The following PEX1 variants were observed in gnomAD, a reference collection of about 807,000 sequenced individuals.
PEX1 encodes the protein peroxisomal ATPase PEX1.
A neutral mutation model predicts 152.5 loss-of-function variants in PEX1; 97 were observed. That is an observed-to-expected ratio of 0.64 (90% CI 0.54 to 0.75). The LOEUF is 0.75. Ranked by LOEUF, PEX1 falls within the 30% of genes least tolerant of loss-of-function variation. PEX1 has a pLI of 0.00. For synonymous variants in PEX1, 485 were observed against 531.6 expected (o/e 0.91, Z 1.21); for missense variants, 1,357 against 1,516.3 (o/e 0.89, Z 1.74).
intron 16 of PEX1, among the ~76,000 whole-genome samples, chr7:92,498,609 A>G (rs1318852154): frequency 6.6e-6 from 1 of 152,246 alleles, no homozygotes; most frequent in Non-Finnish European, 1.5e-5. Context: ...CCTTTGTTAA[A>G]CTAATATTGC....
At chr7:92,518,564 T>TATCAATTCA (rs1270815636) in intron 3 of PEX1, among the ~76,000 whole-genome samples, 1 of 152,192 alleles carries the variant, frequency 6.6e-6, no homozygotes, top group East Asian at 1.9e-4. Context: ...ATTAGATCTC[T>TATCAATTCA]ATCAATTCAT....
chr7:92,506,998 C>T lies in PEX1; in HGVS notation c.1799G>A (p.Gly600Glu). 1 of 1,614,046 alleles carries T rather than the reference C, an allele frequency of 6.2e-7. No individual in the cohort carries two copies. Among genetic ancestry groups the T allele is most frequent in the Non-Finnish European group, 8.5e-7 (1 of 1,179,950 alleles). Residue 600 changes from glycine to glutamate, a missense_variant, in exon 10 of 24, where the codon GGA (glycine) becomes GAA (glutamate). Transcript: ENST00000248633. Reference protein sequence around the residue: ...LRNGALLLTGGKGSGKSTLAK... With the variant: ...LRNGALLLTGEKGSGKSTLAK... ...GAACACACCTTAACCACTTACCTTT[C>T]CTCCTGTGAGTAAAAGAGCTCCATT...
chr7:92,497,151 T>C (rs1012020094), intron 16 of PEX1, among the ~76,000 whole-genome samples: 9 of 152,188 alleles, frequency 5.9e-5, no homozygotes, highest in African/African-American at 2.2e-4. Flanking sequence ...GACAGTGAAT[T>C]ATATACTGAA....
rs1029003656 is a variant in PEX1 at position 92,487,281 on chromosome 7, G to A, written c.*176C>T. ...TTATAATGTCCCAATTTATACTACAGTATTAATCTCAATCCTGATCATTAC... is the reference window on the plus strand; with the variant it reads ...TTATAATGTCCCAATTTATACTACAATATTAATCTCAATCCTGATCATTAC... On this transcript the variant is annotated 3_prime_UTR_variant, in exon 24 of 24. Transcript: ENST00000248633. 6 of 480,054 alleles carry A rather than the reference G, an allele frequency of 1.2e-5. No individual in the cohort carries two copies. Among genetic ancestry groups the A allele is most frequent in the Non-Finnish European group, 2.2e-5 (6 of 271,196 alleles). The allele number at this position is 480,054 out of a possible 1,614,324, so 29.7% of individuals were successfully genotyped here.
chr7:92,503,108 G>T lies in PEX1; in HGVS notation c.2159C>A (p.Pro720His), dbSNP rs1341077403. 7 of 1,613,698 alleles carry T rather than the reference G, an allele frequency of 4.3e-6. No individual in the cohort carries two copies. Among genetic ancestry groups the T allele is most frequent in the Non-Finnish European group, 5.1e-6 (6 of 1,179,702 alleles). The change falls in exon 13 of 24, where the codon CCT becomes CAT. Residue 720 changes from proline (P) to histidine (H), a missense_variant. Pro to His is a moderately conservative substitution (Grantham distance 77, BLOSUM62 -2). Transcript: ENST00000248633. ...ATSQSQQSLH[P>H]LLVSAQGVHI... is the part of the protein sequence containing the mutation. ...AACTCCTTGAGCAGAAACAAGTAAA[G>T]GATGTAGAGATTGCTGAGACTGACT...
At position 92,491,628 on chromosome 7, in the gene PEX1, C is replaced by T. The variant is rs1791329800; in HGVS notation, c.3208-126G>A. 3 of 658,088 alleles carry T rather than the reference C, an allele frequency of 4.6e-6. No individual in the cohort carries two copies. In the South Asian group the frequency reaches 5.3e-5, roughly 12 times the overall value. The allele number at this position is 658,088 out of a possible 1,614,324, so 40.8% of individuals were successfully genotyped here. A position where few individuals can be genotyped will look rare whatever the true frequency, so the allele number is the denominator to read the frequency against. ...ACTTAGAAGCATTTTTCAAAGAGCTCATTAATTCTCTAACGGTTTTGAGGC... is the reference window on the plus strand; with the variant it reads ...ACTTAGAAGCATTTTTCAAAGAGCTTATTAATTCTCTAACGGTTTTGAGGC... On this transcript the variant is annotated intron_variant, in intron 20 of 23. Coordinates refer to ENST00000248633, the MANE Select transcript of PEX1 (RefSeq NM_000466.3).
rs1178108852 is a variant in PEX1 at position 92,518,143 on chromosome 7, A to G, written c.470T>C (p.Ile157Thr). The change falls in exon 4 of 24, where the codon ATT (isoleucine) becomes ACT (threonine). Residue 157 changes from isoleucine to threonine, a missense_variant and splice_region_variant. Transcript: ENST00000248633. ...GCAAATATTACAATAGCACCTACCA[A>G]TTTGGATAAATATGTACGTTTGTTG... ...VDQQTYIFIQ[I>T]VALIPAASYG... is the part of the protein sequence containing the mutation. The G allele has an allele frequency of 6.2e-7, 1 of 1,610,452 alleles. No individual in the cohort carries two copies. The highest frequency in any genetic ancestry group is 8.5e-7 in the Non-Finnish European group (1 of 1,176,694).
intron 6 of PEX1, among the ~76,000 whole-genome samples, chr7:92,512,750 G>A (rs1297154523): frequency 1.3e-5 from 2 of 151,986 alleles, no homozygotes; most frequent in Non-Finnish European, 1.5e-5. Flanking sequence ...TCAGCCTCCC[G>A]AAGTGTTGGG....
intron 12 of PEX1, 84 bp downstream of exon 12, chr7:92,504,648 C>G: frequency 2.3e-6 from 3 of 1,314,576 alleles, no homozygotes; most frequent in Non-Finnish European, 3.2e-6. Context: ...ATATTATTCT[C>G]TGAAGAGAGT....
intron 10 of PEX1, 125 bp from the exon 11 acceptor site, chr7:92,506,469 G>T (rs777741236): frequency 7.0e-6 from 5 of 709,932 alleles, no homozygotes; most frequent in Non-Finnish European, 1.3e-5. Context: ...AACAAAAGAA[G>T]AGGAGAGAAT....
intron 13 of PEX1, among the ~76,000 whole-genome samples, chr7:92,502,535 A>G (rs936086159): frequency 3.3e-5 from 5 of 152,166 alleles, no homozygotes; most frequent in Non-Finnish European, 7.4e-5. Context: ...ATACCATTCT[A>G]TTATCCTTAA....
At chr7:92,488,124 A>G (rs866815824) in intron 23 of PEX1, among the ~76,000 whole-genome samples, 1 of 152,232 alleles carries the variant, frequency 6.6e-6, no homozygotes, top group African/African-American at 2.4e-5. Context: ...TTTAAAAACA[A>G]TAAAGTAGTT....
intron 17 of PEX1, among the ~76,000 whole-genome samples, chr7:92,496,142 G>A (rs1288356030): frequency 1.3e-5 from 2 of 151,880 alleles, no homozygotes; most frequent in Non-Finnish European, 2.9e-5. Flanking sequence ...TGTATTTTAT[G>A]TATATTCTCT....
In PEX1 at chr7:92,501,908, T is replaced by A; in HGVS notation, c.2398A>T (p.Ser800Cys). 6.2e-7 allele frequency: 1 copy of A among 1,613,814 alleles called. No individual in the cohort carries two copies. Among genetic ancestry groups the A allele is most frequent in the Non-Finnish European group, 8.5e-7 (1 of 1,179,710 alleles). ...AACATACTTTCTCTGGTGGATATAC[T>A]CTGACGAGAGAGTCGAGAATGTATG... ...RAIHSRLSRQ[S>C]ISTREKLVLT... is the part of the protein sequence containing the mutation. Residue 800 changes from serine to cysteine, a missense_variant, in exon 14 of 24, where the codon AGT (serine) becomes TGT (cysteine). Physicochemically the swap from Ser to Cys is moderately radical, Grantham distance 112. Transcript: ENST00000248633.
rs762436079 is a variant in PEX1, at chr7:92,496,781, T to C, written c.2719-4A>G. 2.4e-5 allele frequency: 38 copies of C among 1,585,638 alleles called. No homozygotes were observed. The highest frequency in any genetic ancestry group is 2.9e-5 in the Non-Finnish European group (33 of 1,154,760). On this transcript the variant is annotated splice_polypyrimidine_tract_variant and splice_region_variant and intron_variant, in intron 16 of 23. Transcript: ENST00000248633. ...ATTTGCTGAGTAACTCTGGCCCCTA[T>C]TGGGTAAAATAAGAGTTGAGATAAA... is the stretch of plus-strand genomic sequence containing the variant.
chr7:92,490,755 A>G (rs998826110), intron 21 of PEX1, among the ~76,000 whole-genome samples: 2 of 152,222 alleles, frequency 1.3e-5, no homozygotes, highest in African/African-American at 4.8e-5. Context: ...GTGAACCACT[A>G]TTAATTTTTA....
chr7:92,515,308 C>T (rs1792689428), intron 5 of PEX1, among the ~76,000 whole-genome samples: 1 of 147,608 alleles, frequency 6.8e-6, no homozygotes. Context: ...AATCAAGTTT[C>T]CTGTTTGTTT....
chr7:92,502,189 T>C (rs1014503930), intron 13 of PEX1, 110 bp from the exon 14 acceptor site: 12 of 765,562 alleles, frequency 1.6e-5, no homozygotes, highest in African/African-American at 6.9e-5. Flanking sequence ...AGAAAGCAAA[T>C]TGGTAGTTGT....
At chr7:92,500,167 A>G (rs187755031) in intron 15 of PEX1, among the ~76,000 whole-genome samples, 197 of 152,326 alleles carry the variant, frequency 1.3e-3, no homozygotes, top group Admixed American at 2.8e-3. Context: ...AGTGCCTTTC[A>G]TGGATATGCT....
Sources: gnomAD v4.1 joint callset for allele counts (sites outside exome capture counted in the v4.1 genomes callset) on GRCh38, gnomAD v4.1.1 for gene constraint, MANE v1.5 for transcripts, NCBI Gene and HGNC (gene_info 2026-07-23, HGNC 2026-07-21) for gene names.